Variants in LINGO2 observed in about 807,000 individuals in gnomAD.
LINGO2 encodes the protein leucine rich repeat and Ig domain containing 2.
A neutral mutation model predicts 30.6 loss-of-function variants in LINGO2; 14 were observed. That is an observed-to-expected ratio of 0.46 (90% confidence interval 0.30 to 0.72). The LOEUF is 0.72. Ranked by LOEUF, LINGO2 falls within the 30% of genes least tolerant of loss-of-function variation. The pLI, the probability that LINGO2 is intolerant of heterozygous loss-of-function variation, is 0.07. For synonymous variants in LINGO2, 317 were observed against 288.5 expected, an observed-to-expected ratio of 1.10 and a Z score of -1.00; for missense variants, 729 against 751.7, an observed-to-expected ratio of 0.97 and a Z score of 0.35.
At chr9:28,568,961 A>G (rs1039264870) in intron 1 of LINGO2, among the ~76,000 whole-genome samples, 1 of 151,966 alleles carries the variant, frequency 6.6e-6, no homozygotes, top group Non-Finnish European at 1.5e-5. Flanking sequence ...AACACTCCCA[A>G]TAAAAAGTGG....
chr9:28,872,572 G>T, the LINGO2 span, among the ~76,000 whole-genome samples: 1 of 152,228 alleles, frequency 6.6e-6, no homozygotes. Flanking sequence ...ATGGCAAAAA[G>T]ATTCCATCAA....
intron 1 of LINGO2, among the ~76,000 whole-genome samples, chr9:28,593,894 T>C (rs1825047675): frequency 6.6e-6 from 1 of 152,078 alleles, no homozygotes; most frequent in African/African-American, 2.4e-5. Context: ...GTCAAATTTC[T>C]AGGAAGCAGC....
At chr9:28,750,392 C>T in the LINGO2 span, among the ~76,000 whole-genome samples, 13 of 151,998 alleles carry the variant, frequency 8.6e-5, no homozygotes, top group Non-Finnish European at 1.5e-4. Flanking sequence ...AGAGAAACAC[C>T]CAACCTAGAA....
chr9:28,732,111 G>A, the LINGO2 span, among the ~76,000 whole-genome samples: 1 of 152,040 alleles, frequency 6.6e-6, no homozygotes, highest in East Asian at 1.9e-4. Flanking sequence ...ACTATTTTCA[G>A]GGAGCCAAGG....
intron 1 of LINGO2, among the ~76,000 whole-genome samples, chr9:28,609,159 T>TTG (rs1007535618): frequency 2.0e-5 from 3 of 151,456 alleles, no homozygotes; most frequent in African/African-American, 7.3e-5. Flanking sequence ...CTAAAGAGTT[T>TTG]TTTTTTTTTT....
At chr9:28,189,537 GAGGGAGGGAGGA>G (rs1819706805) in intron 4 of LINGO2, among the ~76,000 whole-genome samples, 3 of 1,614 alleles carry the variant, frequency 1.9e-3, no homozygotes, top group Non-Finnish European at 3.3e-3. Context: ...GGGAGGGAGG[GAGGGAGGGAGGA>G]AGGAAGGAAG....
At chr9:28,933,553 A>T in the LINGO2 span, among the ~76,000 whole-genome samples, 3 of 152,172 alleles carry the variant, frequency 2.0e-5, no homozygotes, top group Admixed American at 2.0e-4. Flanking sequence ...ATGGGAGTAC[A>T]GGGTAGCTCC....
the LINGO2 span, among the ~76,000 whole-genome samples, chr9:29,211,704 G>A: frequency 2.6e-5 from 4 of 152,124 alleles, no homozygotes; most frequent in African/African-American, 9.7e-5. Flanking sequence ...AGCAGGTGAA[G>A]AGGAAAAGAA....
chr9:28,343,128 T>G (rs1819422244), intron 3 of LINGO2, among the ~76,000 whole-genome samples: 1 of 152,212 alleles, frequency 6.6e-6, no homozygotes, highest in Non-Finnish European at 1.5e-5. Context: ...GGAAACAGGA[T>G]AGCCTGAGGT....
At chr9:27,965,515 C>A (rs574233954) in intron 5 of LINGO2, among the ~76,000 whole-genome samples, 1 of 151,802 alleles carries the variant, frequency 6.6e-6, no homozygotes, top group Non-Finnish European at 1.5e-5. Context: ...TTCCAATGGA[C>A]TGTATCTATC....
At chr9:29,113,151 T>G in the LINGO2 span, among the ~76,000 whole-genome samples, 3 of 152,184 alleles carry the variant, frequency 2.0e-5, no homozygotes, top group Non-Finnish European at 2.9e-5. Context: ...GGATTTCAAT[T>G]TTTTGCCTTA....
chr9:29,032,010 T>A, the LINGO2 span, among the ~76,000 whole-genome samples: 1 of 152,124 alleles, frequency 6.6e-6, no homozygotes, highest in East Asian at 1.9e-4. Context: ...CTAGACAAAG[T>A]TTGTAATACA....
chr9:28,479,884 T>TG (rs58822796), intron 1 of LINGO2, among the ~76,000 whole-genome samples: 1 of 127,686 alleles, frequency 7.8e-6, no homozygotes, highest in Non-Finnish European at 1.7e-5. Context: ...TGTGTGTGTG[T>TG]ATGTGTGTAT....
chr9:28,724,036 T>C, the LINGO2 span, among the ~76,000 whole-genome samples: 2 of 152,148 alleles, frequency 1.3e-5, no homozygotes, highest in Admixed American at 6.5e-5. Context: ...TACACAATAA[T>C]ACAAACATAC....
chr9:28,233,946 G>T (rs989311302), intron 4 of LINGO2, among the ~76,000 whole-genome samples: 4 of 152,208 alleles, frequency 2.6e-5, no homozygotes, highest in Non-Finnish European at 5.9e-5. Context: ...TACCCAGGGT[G>T]TAAGCCATTG....
chr9:28,562,825 CTTAT>C (rs1452637010), intron 1 of LINGO2, among the ~76,000 whole-genome samples: 5 of 151,834 alleles, frequency 3.3e-5, no homozygotes, highest in East Asian at 1.9e-4. Context: ...TTGAATAAAA[CTTAT>C]TTATTTATTT....
chr9:28,945,831 G>T, the LINGO2 span, among the ~76,000 whole-genome samples: 1 of 152,140 alleles, frequency 6.6e-6, no homozygotes. Context: ...CTAAGGTAAA[G>T]ATCTATTGCT....
intron 2 of LINGO2, among the ~76,000 whole-genome samples, chr9:28,462,786 T>C (rs1825135334): frequency 6.6e-6 from 1 of 152,094 alleles, no homozygotes; most frequent in African/African-American, 2.4e-5. Context: ...GTAATGTGGA[T>C]TCATAGAGTA....
At chr9:28,726,043 T>C in the LINGO2 span, among the ~76,000 whole-genome samples, 1 of 152,126 alleles carries the variant, frequency 6.6e-6, no homozygotes, top group Non-Finnish European at 1.5e-5. Flanking sequence ...TCTAGTTTCA[T>C]ATGTTACATG....
Sources: gnomAD v4.1 joint callset for allele counts (sites outside exome capture counted in the v4.1 genomes callset) on GRCh38, gnomAD v4.1.1 for gene constraint, MANE v1.5 for transcripts, NCBI Gene and HGNC (gene_info 2026-07-23, HGNC 2026-07-21) for gene names.